The following SNAP47 variants were observed in gnomAD, a reference collection of about 807,000 sequenced individuals.
SNAP47 encodes the protein synaptosome associated protein 47.
A neutral mutation model predicts 31.4 loss-of-function variants in SNAP47; 20 were observed. The ratio of observed to expected loss-of-function variants is 0.64; its 90% CI spans 0.45 to 0.93. The LOEUF (loss-of-function observed/expected upper bound fraction) is 0.93, where lower values mean the gene tolerates loss of function less well. Among genes scored for constraint, SNAP47 ranks in the 40% least tolerant of loss-of-function variants. SNAP47 has a pLI of 0.00. For synonymous variants in SNAP47, 194 were observed against 213.4 expected (o/e 0.91, Z 0.79); for missense variants, 492 against 528.5 (o/e 0.93, Z 0.68).
At chr1:227,777,440 C>T (rs115617436) in intron 4 of SNAP47, among the ~76,000 whole-genome samples, 3,165 of 152,194 alleles carry the variant, frequency 0.021, 50 homozygotes, top group South Asian at 0.093. Flanking sequence ...CCCAGGTGGA[C>T]GGGCTTCATG....
chr1:227,768,215 C>T, intron 4 of SNAP47: 1 of 929,886 alleles, frequency 1.1e-6, no homozygotes, highest in Non-Finnish European at 1.3e-6. Context: ...CATGCAGTCT[C>T]CAGGTGCAGC....
chr1:227,757,272 A>G (rs1203830564), intron 2 of SNAP47, among the ~76,000 whole-genome samples: 1 of 152,218 alleles, frequency 6.6e-6, no homozygotes, highest in African/African-American at 2.4e-5. Context: ...AAGAAAACCT[A>G]AAGTCATCAC....
At chr1:227,777,220 CCATA>C (rs1664214365) in intron 4 of SNAP47, 1 of 502,850 alleles carries the variant, frequency 2.0e-6, no homozygotes, top group African/African-American at 2.1e-5. Flanking sequence ...GTGAAGTTTT[CCATA>C]CATGAAACAT....
At chr1:227,751,857 G>A (rs1162315557) in intron 2 of SNAP47, among the ~76,000 whole-genome samples, 5 of 133,354 alleles carry the variant, frequency 3.7e-5, no homozygotes, top group Admixed American at 9.0e-5. Context: ...TCCGCCTCCC[G>A]GGTTCCTGCC....
chr1:227,772,859 C>T (rs765151052), intron 4 of SNAP47, among the ~76,000 whole-genome samples: 11 of 152,222 alleles, frequency 7.2e-5, no homozygotes, highest in Non-Finnish European at 1.2e-4. Context: ...TGTTGAAAAT[C>T]CGTTAGCCAT....
At chr1:227,775,052 C>G (rs1016298287) in intron 4 of SNAP47, among the ~76,000 whole-genome samples, 1 of 152,188 alleles carries the variant, frequency 6.6e-6, no homozygotes, top group Non-Finnish European at 1.5e-5. Flanking sequence ...CCCACCGCCG[C>G]GGGGGCGTCC....
chr1:227,751,727 A>C (rs1662367849), intron 2 of SNAP47, among the ~76,000 whole-genome samples: 1 of 145,270 alleles, frequency 6.9e-6, no homozygotes, highest in South Asian at 2.2e-4. Flanking sequence ...GAATGGGGCC[A>C]ATTACATAAA....
At chr1:227,747,461 C>G (rs1662038991) in intron 1 of SNAP47, among the ~76,000 whole-genome samples, 1 of 152,126 alleles carries the variant, frequency 6.6e-6, no homozygotes, top group East Asian at 1.9e-4. Context: ...GGGCATAAGT[C>G]TGGGACTCAG....
chr1:227,747,536 A>C (rs919847671), intron 1 of SNAP47, among the ~76,000 whole-genome samples, 156 bp from the exon 2 acceptor site: 1 of 152,152 alleles, frequency 6.6e-6, no homozygotes, highest in Non-Finnish European at 1.5e-5. Context: ...GAGAGGGTAC[A>C]TGGGCTTCGT....
chr1:227,774,901 G>A (rs999284011), intron 4 of SNAP47, among the ~76,000 whole-genome samples: 16 of 152,224 alleles, frequency 1.1e-4, no homozygotes, highest in Middle Eastern at 3.2e-3. Flanking sequence ...AGCAGGGAGC[G>A]CTCTTGGGCA....
intron 4 of SNAP47, chr1:227,775,677 T>A (rs1664117014): frequency 2.7e-6 from 3 of 1,093,150 alleles, no homozygotes; most frequent in Non-Finnish European, 3.7e-6. Flanking sequence ...ACAGCTGCTT[T>A]GTAGGTGGGC....
intron 1 of SNAP47, among the ~76,000 whole-genome samples, chr1:227,738,850 T>C (rs943999639): frequency 6.6e-6 from 1 of 152,204 alleles, no homozygotes; most frequent in Non-Finnish European, 1.5e-5. Flanking sequence ...TGGTTGAGCC[T>C]GTTTCCTAAG....
intron 4 of SNAP47, chr1:227,776,128 C>CT: frequency 8.6e-7 from 1 of 1,163,776 alleles, no homozygotes; most frequent in Non-Finnish European, 1.1e-6. Flanking sequence ...CTTCCTGGCT[C>CT]TGACGCCCTC....
rs372069770 is a variant in SNAP47, at chr1:227,769,774, C to T, written c.1113+2691C>T. ...GAGCCCCTGACTTGCTTCTGTTGTCCGCTTCTCTTTGCGGCTGTGGAATCC... is the reference window on the plus strand; with the variant it reads ...GAGCCCCTGACTTGCTTCTGTTGTCTGCTTCTCTTTGCGGCTGTGGAATCC... On this transcript the variant is annotated intron_variant, in intron 4 of 4. Coordinates refer to ENST00000617596, the MANE Select transcript of SNAP47 (RefSeq NM_053052.4). Among the ~76,000 whole-genome samples the T allele has an allele frequency of 3.3e-5, 5 of 152,272 alleles. No individual in the cohort carries two copies. In the East Asian group the frequency reaches 5.8e-4, roughly 18 times the overall value.
chr1:227,765,291 G>A (rs1663322064), intron 3 of SNAP47, among the ~76,000 whole-genome samples: 2 of 152,250 alleles, frequency 1.3e-5, no homozygotes, highest in African/African-American at 4.8e-5. Flanking sequence ...TGCAGCGCAG[G>A]CTGGGCAGTT....
chr1:227,768,277 G>A (rs1366577228), intron 4 of SNAP47: 1 of 985,300 alleles, frequency 1.0e-6, no homozygotes, highest in East Asian at 1.1e-4. Flanking sequence ...AAAGCTGTCT[G>A]TTGGGCTGAG....
At chr1:227,733,078 G>A (rs1660780575), upstream of SNAP47, 1 of 1,597,042 alleles carries the variant, frequency 6.3e-7, no homozygotes, top group Non-Finnish European at 8.6e-7. Context: ...GGTGCCCCCT[G>A]ACCAACCCAC....
intron 3 of SNAP47, chr1:227,759,778 T>G: frequency 2.4e-6 from 1 of 417,370 alleles, no homozygotes; most frequent in South Asian, 2.8e-5. Flanking sequence ...CCAAAGCTCA[T>G]GTGGAAATTT....
intron 1 of SNAP47, chr1:227,744,177 T>C (rs1256938418): frequency 2.9e-3 from 2 of 680 alleles, no homozygotes; most frequent in Non-Finnish European, 4.9e-3. Flanking sequence ...AGGGACAGCT[T>C]TTTTTTTTTT....
Sources: gnomAD v4.1 joint callset for allele counts (sites outside exome capture counted in the v4.1 genomes callset) on GRCh38, gnomAD v4.1.1 for gene constraint, MANE v1.5 for transcripts, NCBI Gene and HGNC (gene_info 2026-07-23, HGNC 2026-07-21) for gene names.